HOGA1: variants seen among roughly 807,000 people sequenced by gnomAD.
HOGA1 encodes 4-hydroxy-2-oxoglutarate aldolase 1, also known as 4-hydroxy-2-oxoglutarate aldolase, mitochondrial.
A neutral mutation model predicts 34.3 loss-of-function variants in HOGA1; 30 were observed. That is an observed-to-expected ratio of 0.87 (90% CI 0.65 to 1.19). The LOEUF (loss-of-function observed/expected upper bound fraction) is 1.19. HOGA1 is among the 50% of genes most tolerant of loss of function. The pLI is 0.00. For missense variants in HOGA1, 417 were observed against 436.5 expected, an observed-to-expected ratio of 0.96 and a Z score of 0.40; for synonymous variants, 161 against 174.0, an observed-to-expected ratio of 0.93 and a Z score of 0.59.
intron 1 of HOGA1, among the ~76,000 whole-genome samples, chr10:97,593,009 GACA>G (rs1398284532): frequency 3.1e-5 from 3 of 97,416 alleles, no homozygotes; most frequent in Non-Finnish European, 6.7e-5. Context: ...TAGCCTGGGC[GACA>G]GAGTGAGACT....
Position 97,607,105 on chromosome 10 carries a change from T to TAAAA in HOGA1, c.835-4390_835-4387dup, listed in dbSNP as rs754597119. On this transcript the variant is annotated intron_variant, in intron 6 of 6. Transcript: ENST00000370646. ...GGCAACATGGCCAGACCCCATCTCTTAAAAAAAAAAAAAAAAAAGACACCT... is the reference window on the plus strand; with the variant it reads ...GGCAACATGGCCAGACCCCATCTCTTAAAAAAAAAAAAAAAAAAAAAAGACACCT... Among the ~76,000 whole-genome samples the TAAAA allele has an allele frequency of 7.0e-4, 92 of 131,694 alleles. 1 individual carries two copies. Among genetic ancestry groups the TAAAA allele is most frequent in the South Asian group, 9.9e-4 (4 of 4,030 alleles). 86.4% of individuals were successfully genotyped at this position (131,694 alleles called of 152,430 possible). A position where few individuals can be genotyped will look rare whatever the true frequency, so the allele number is the denominator to read the frequency against.
Position 97,599,914 on chromosome 10 carries a change from G to C in HOGA1, c.603+100G>C, listed in dbSNP as rs1281933590. The C allele has an allele frequency of 2.5e-6, 4 of 1,575,212 alleles. No homozygotes were observed. In the African/African-American group the frequency reaches 4.0e-5, roughly 16 times the overall value. On this transcript the variant is annotated intron_variant, in intron 4 of 6. Transcript: ENST00000370646. ...GCTCTGAGATCTGTTTCCAACCTTGGCTTCTGTGTGGATTCTCTCTGTCGT... is the reference window on the plus strand; with the variant it reads ...GCTCTGAGATCTGTTTCCAACCTTGCCTTCTGTGTGGATTCTCTCTGTCGT...
intron 6 of HOGA1, among the ~76,000 whole-genome samples, chr10:97,609,983 A>G (rs1422475052): frequency 6.6e-6 from 1 of 152,216 alleles, no homozygotes; most frequent in Non-Finnish European, 1.5e-5. Context: ...TATCCCAAAC[A>G]ACCTTTTATT....
intron 3 of HOGA1, 74 bp from the exon 4 acceptor site, chr10:97,599,606 G>T: frequency 1.3e-6 from 2 of 1,592,986 alleles, no homozygotes; most frequent in South Asian, 1.1e-5. Flanking sequence ...GGGACCTGTG[G>T]GTGGGCAAGT....
chr10:97,601,908 G>A lies in HOGA1; in HGVS notation c.752G>A (p.Cys251Tyr). 6.2e-7 allele frequency: 1 copy of A among 1,612,816 alleles called. No individual in the cohort carries two copies. The highest frequency in any genetic ancestry group is 1.1e-5 in the South Asian group (1 of 90,964). The change falls in exon 6 of 7, where the codon TGC becomes TAC. Residue 251 changes from cysteine to tyrosine, a missense_variant. Cys to Tyr is a radical substitution (Grantham distance 194). Transcript: ENST00000370646. ...ALANVLGAQV[C>Y]QLERLCCTGQ... ...GCCAATGTCCTGGGGGCTCAGGTGT[G>A]CCAGCTGGAGCGACTGTGCTGCACG...
chr10:97,598,083 T>C (rs964111798), intron 1 of HOGA1, among the ~76,000 whole-genome samples: 2 of 152,274 alleles, frequency 1.3e-5, no homozygotes, highest in African/African-American at 2.4e-5. Flanking sequence ...AGAAAATGTT[T>C]GTTTCAGCAT....
chr10:97,590,592 C>A (rs772386721), intron 1 of HOGA1: 3 of 1,602,218 alleles, frequency 1.9e-6, no homozygotes, highest in Non-Finnish European at 2.6e-6. Context: ...TTGGAAGCCA[C>A]CTAACCATGG....
chr10:97,601,773 A>G (rs748746572), intron 5 of HOGA1, 84 bp from the exon 6 acceptor site: 7 of 1,522,250 alleles, frequency 4.6e-6, no homozygotes, highest in Non-Finnish European at 5.5e-6. Context: ...TAATGTCCCC[A>G]GGCTGAAGAG....
At position 97,584,470 on chromosome 10, in the gene HOGA1, C is replaced by G; in HGVS notation, c.-234C>G. The G allele has an allele frequency of 9.6e-6, 5 of 520,280 alleles. 1 individual carries two copies. The South Asian group carries it at 1.7e-4, about 18-fold the overall frequency. 32.2% of individuals were successfully genotyped at this position (520,280 alleles called of 1,614,324 possible). On this transcript the variant is annotated 5_prime_UTR_variant, in exon 1 of 7. Transcript: ENST00000370646. ...AGTCCTATATCTGGCCAGAGGGACA[C>G]TGGGTTGTGGCATCTCTCTAGCTGC...
intron 5 of HOGA1, among the ~76,000 whole-genome samples, chr10:97,601,618 C>T (rs960281310): frequency 1.3e-5 from 2 of 152,166 alleles, no homozygotes; most frequent in African/African-American, 4.8e-5. Flanking sequence ...TGCTCCCTGC[C>T]CCTCACAGAT....
chr10:97,610,714 C>G (rs1365392247), intron 6 of HOGA1, among the ~76,000 whole-genome samples: 1 of 152,054 alleles, frequency 6.6e-6, no homozygotes, highest in African/African-American at 2.4e-5. Context: ...GCAGGAGAAT[C>G]ACTTGAACCC....
At chr10:97,607,562 A>G (rs1233076250) in intron 6 of HOGA1, among the ~76,000 whole-genome samples, 1 of 152,248 alleles carries the variant, frequency 6.6e-6, no homozygotes, top group Admixed American at 6.5e-5. Context: ...GGGCCAGGGT[A>G]CGTAGCACTG....
chr10:97,587,583 C>T (rs1433551971), intron 1 of HOGA1, among the ~76,000 whole-genome samples: 2 of 152,022 alleles, frequency 1.3e-5, no homozygotes, highest in Admixed American at 1.3e-4. Flanking sequence ...ATTTGCCTCA[C>T]TGAAACCTCC....
In HOGA1 at chr10:97,599,809, G is replaced by C; in HGVS notation, c.598G>C (p.Gly200Arg). Residue 200 changes from glycine (G) to arginine (R), a missense_variant, in exon 4 of 7, where the codon GGT (glycine) becomes CGT (arginine). Transcript: ENST00000370646. ...PNIVGMKDSGGDVTRIGLIVH... is the reference protein window; with the variant it reads ...PNIVGMKDSGRDVTRIGLIVH... ...TATTGTGGGCATGAAGGACAGCGGT[G>C]GTGATGTGAGTGGCAGCAGCTCCGG... The C allele has an allele frequency of 6.2e-7, 1 of 1,614,218 alleles. No homozygotes were observed.
intron 6 of HOGA1, among the ~76,000 whole-genome samples, chr10:97,605,364 T>C (rs2041149676): frequency 6.6e-6 from 1 of 151,806 alleles, no homozygotes; most frequent in Non-Finnish European, 1.5e-5. Flanking sequence ...TGAGCTGTGA[T>C]TTTGCCACTG....
chr10:97,598,084 G>C (rs955806334), intron 1 of HOGA1, among the ~76,000 whole-genome samples: 13 of 152,246 alleles, frequency 8.5e-5, no homozygotes, highest in African/African-American at 3.1e-4. Flanking sequence ...GAAAATGTTT[G>C]TTTCAGCATT....
intron 6 of HOGA1, among the ~76,000 whole-genome samples, chr10:97,607,473 A>G (rs895077431): frequency 1.7e-4 from 26 of 152,140 alleles, no homozygotes; most frequent in African/African-American, 2.4e-4. Context: ...CTGGCTAGAG[A>G]GAACTGGCTT....
intron 6 of HOGA1, among the ~76,000 whole-genome samples, chr10:97,605,654 A>G (rs2041151751): frequency 6.6e-6 from 1 of 152,132 alleles, no homozygotes; most frequent in African/African-American, 2.4e-5. Flanking sequence ...AAACCGTCTC[A>G]TTGTGGTTTT....
chr10:97,589,343 A>G (rs2040998804), intron 1 of HOGA1, among the ~76,000 whole-genome samples: 1 of 151,986 alleles, frequency 6.6e-6, no homozygotes, highest in South Asian at 2.1e-4. Flanking sequence ...AATGGATACC[A>G]GCCCAGTCAA....
Sources: gnomAD v4.1 joint callset for allele counts (sites outside exome capture counted in the v4.1 genomes callset) on GRCh38, gnomAD v4.1.1 for gene constraint, MANE v1.5 for transcripts, NCBI Gene and HGNC (gene_info 2026-07-23, HGNC 2026-07-21) for gene names.